KCNQ1: variants seen among roughly 807,000 people sequenced by gnomAD.
The protein encoded by KCNQ1 is potassium voltage-gated channel subfamily Q member 1, also known as potassium voltage-gated channel subfamily KQT member 1.
KCNQ1 carries 49 observed loss-of-function variants against 72.4 expected under a neutral mutation model. That is an observed-to-expected ratio of 0.68 (90% CI 0.54 to 0.86). The LOEUF (loss-of-function observed/expected upper bound fraction) is 0.86. Among genes scored for constraint, KCNQ1 ranks in the 40% least tolerant of loss-of-function variants. The pLI is 0.00. For missense variants in KCNQ1, 790 were observed against 945.1 expected (o/e 0.84, Z 2.15); for synonymous variants, 450 against 412.6 (o/e 1.09, Z -1.10).
At position 2,484,461 on chromosome 11, in the gene KCNQ1, A is replaced by G. The variant is rs1241951864; in HGVS notation, c.386+38977A>G. Among the ~76,000 whole-genome samples the G allele has an allele frequency of 1.3e-5, 2 of 152,164 alleles. No individual in the cohort carries two copies. The highest frequency in any genetic ancestry group is 4.8e-5 in the African/African-American group (2 of 41,450). On this transcript the variant is annotated intron_variant, in intron 1 of 15. Transcript: ENST00000155840. The surrounding 1 kb of genome is among the most constrained non-coding windows in gnomAD (Gnocchi z 5.2). ...ATTACAGGTGTGAGCCACTGCACCC[A>G]GCCTCATTATTTATTTTCATTGCTC...
chr11:2,706,108 T>G (rs561565616), intron 11 of KCNQ1, among the ~76,000 whole-genome samples: 25 of 152,344 alleles, frequency 1.6e-4, no homozygotes, highest in Non-Finnish European at 3.1e-4. Context: ...GGTTTTAGTA[T>G]GTGTCTACAA....
At chr11:2,825,341 C>G (rs1441207420) in intron 15 of KCNQ1, among the ~76,000 whole-genome samples, 8 of 152,214 alleles carry the variant, frequency 5.3e-5, no homozygotes, top group African/African-American at 1.9e-4. Flanking sequence ...ACCTTCCGAG[C>G]CCTCAGCCTG....
chr11:2,454,720 C>T (rs1177515904), intron 1 of KCNQ1, among the ~76,000 whole-genome samples: 2 of 152,126 alleles, frequency 1.3e-5, no homozygotes, highest in Non-Finnish European at 2.9e-5. Flanking sequence ...TAAAATTCAT[C>T]ATCCCTTCAT....
At position 2,491,380 on chromosome 11, in the gene KCNQ1, A is replaced by T. The variant is rs1846833845; in HGVS notation, c.387-36548A>T. ...AAGGAATTCAGAATTCTATCAGATAAATTTAATAAAGAGATTAAAATAAGA... is the reference window on the plus strand; with the variant it reads ...AAGGAATTCAGAATTCTATCAGATATATTTAATAAAGAGATTAAAATAAGA... On this transcript the variant is annotated intron_variant, in intron 1 of 15. Transcript: ENST00000155840. This position sits in a 1 kb window ranked among gnomAD's most constrained non-coding sequence, Gnocchi z 4.1. Among the ~76,000 whole-genome samples the T allele has an allele frequency of 6.6e-6, 1 of 152,216 alleles. No homozygotes were observed. The highest frequency in any genetic ancestry group is 6.5e-5 in the Admixed American group (1 of 15,282).
rs1393824764 is a variant in KCNQ1 at position 2,563,479 on chromosome 11, T to C, written c.478-7149T>C. On this transcript the variant is annotated intron_variant, in intron 2 of 15. Transcript: ENST00000155840. The surrounding 1 kb of genome is among the most constrained non-coding windows in gnomAD (Gnocchi z 7.4). ...AGCATGGGGTCGGCCTGCGGGGCCA[T>C]GTGTCTCCTCCTGTGTGACCTTGAG... Among the ~76,000 whole-genome samples the C allele has an allele frequency of 5.9e-5, 9 of 152,232 alleles. No individual in the cohort carries two copies.
intron 11 of KCNQ1, chr11:2,696,815 AT>A: frequency 2.5e-6 from 1 of 398,450 alleles, no homozygotes; most frequent in South Asian, 1.3e-4. Flanking sequence ...TGCTATTCTG[AT>A]TGCTGTCCTA....
chr11:2,837,143 G>A (rs926070849), intron 15 of KCNQ1, among the ~76,000 whole-genome samples: 17 of 152,176 alleles, frequency 1.1e-4, no homozygotes, highest in African/African-American at 3.9e-4. Context: ...GGAGCACCCT[G>A]GGCAGCCTCT....
In KCNQ1 at chr11:2,484,738, C is replaced by T. The variant is rs988085572; in HGVS notation, c.386+39254C>T. ...TCATCGCCACTGTGGACCTGCTGCT[C>T]TGCGCCCACTCGGCCGACGGAGCTG... On this transcript the variant is annotated intron_variant, in intron 1 of 15. Coordinates refer to ENST00000155840, the MANE Select transcript of KCNQ1 (RefSeq NM_000218.3). The surrounding 1 kb of genome is among the most constrained non-coding windows in gnomAD (Gnocchi z 5.2). Among the ~76,000 whole-genome samples the T allele has an allele frequency of 2.0e-5, 3 of 152,224 alleles. No homozygotes were observed. The highest frequency in any genetic ancestry group is 7.2e-5 in the African/African-American group (3 of 41,438).
rs1057295169 is a variant in KCNQ1, at chr11:2,660,057, T to C, written c.1394-1904T>C. On this transcript the variant is annotated intron_variant, in intron 10 of 15. Transcript: ENST00000155840. ...CTTTTAATTTTGATAAAGTCCAATTTGTTGATTCTTTTTCTCTTACGAGTT... is the reference window on the plus strand; with the variant it reads ...CTTTTAATTTTGATAAAGTCCAATTCGTTGATTCTTTTTCTCTTACGAGTT... The C allele has an allele frequency of 6.8e-5, 27 of 398,480 alleles. No individual in the cohort carries two copies. In the South Asian group the frequency reaches 1.5e-3, roughly 23 times the overall value. The allele number at this position is 398,480 out of a possible 1,614,324, so 24.7% of individuals were successfully genotyped here. A position where few individuals can be genotyped will look rare whatever the true frequency, so the allele number is the denominator to read the frequency against.
chr11:2,844,650 G>A (rs755860618), intron 15 of KCNQ1, among the ~76,000 whole-genome samples: 1 of 152,188 alleles, frequency 6.6e-6, no homozygotes, highest in Non-Finnish European at 1.5e-5. Flanking sequence ...GCTGATTCCA[G>A]CCACACCCTC....
At position 2,468,369 on chromosome 11, in the gene KCNQ1, G is replaced by GCTC. The variant is rs1846385242; in HGVS notation, c.386+22888_386+22890dup. Among the ~76,000 whole-genome samples the GCTC allele has an allele frequency of 6.6e-6, 1 of 152,150 alleles. No homozygotes were observed. Among genetic ancestry groups the GCTC allele is most frequent in the South Asian group, 2.1e-4 (1 of 4,830 alleles). The stretch of plus-strand genomic sequence containing the variant: ...GCTATATTGCCCAGTCTAGTCTCAA[G>GCTC]CTCCTGAGCTCAAGCGATCTGCCTG... On this transcript the variant is annotated intron_variant, in intron 1 of 15. Coordinates refer to ENST00000155840, the MANE Select transcript of KCNQ1 (RefSeq NM_000218.3). This position sits in a 1 kb window ranked among gnomAD's most constrained non-coding sequence, Gnocchi z 5.7.
intron 1 of KCNQ1, among the ~76,000 whole-genome samples, chr11:2,502,897 T>C (rs1049173014): frequency 2.0e-5 from 3 of 152,002 alleles, no homozygotes; most frequent in Non-Finnish European, 4.4e-5. Flanking sequence ...TACGACAAAC[T>C]CATTTTTGAC....
chr11:2,525,838 A>T (rs1242300632), intron 1 of KCNQ1, among the ~76,000 whole-genome samples: 2 of 152,198 alleles, frequency 1.3e-5, no homozygotes, highest in African/African-American at 4.8e-5. Flanking sequence ...AGGAAGTCCC[A>T]CGGGGCTGAT....
In KCNQ1 at chr11:2,679,012, CAT is replaced by C. The variant is rs1850341979; in HGVS notation, c.1514+16933_1514+16934del. The C allele has an allele frequency of 2.5e-6, 1 of 398,482 alleles. No individual in the cohort carries two copies. Among genetic ancestry groups the C allele is most frequent in the Non-Finnish European group, 4.4e-6 (1 of 226,074 alleles). The allele number at this position is 398,482 out of a possible 1,614,324, so 24.7% of individuals were successfully genotyped here. A position where few individuals can be genotyped will look rare whatever the true frequency, so the allele number is the denominator to read the frequency against. On this transcript the variant is annotated intron_variant, in intron 11 of 15. Coordinates refer to ENST00000155840, the MANE Select transcript of KCNQ1 (RefSeq NM_000218.3). This position sits in a 1 kb window ranked among gnomAD's most constrained non-coding sequence, Gnocchi z 4.8. ...ATTTTTAAAAACCCGCAATAAGAAACATAATCTAAAACTTGTAGCCCAGCCCC... is the reference window on the plus strand; with the variant it reads ...ATTTTTAAAAACCCGCAATAAGAAACAATCTAAAACTTGTAGCCCAGCCCC...
intron 1 of KCNQ1, among the ~76,000 whole-genome samples, chr11:2,496,502 T>TTTTTTTTTTTTTTTTTTTG: frequency 9.3e-6 from 1 of 107,176 alleles, no homozygotes; most frequent in Non-Finnish European, 1.9e-5. Context: ...CTGCTTTTTT[T>TTTTTTTTTTTTTTTTTTTG]TTTTTTTTTT....
At chr11:2,823,620 C>T (rs1331400017) in intron 15 of KCNQ1, among the ~76,000 whole-genome samples, 1 of 152,198 alleles carries the variant, frequency 6.6e-6, no homozygotes, top group African/African-American at 2.4e-5. Flanking sequence ...ACAGGATACT[C>T]CTGAAGAGGC....
chr11:2,774,910 C>T (rs1198234390), intron 12 of KCNQ1, among the ~76,000 whole-genome samples: 1 of 152,220 alleles, frequency 6.6e-6, no homozygotes, highest in African/African-American at 2.4e-5. Context: ...TTGCCTCCCT[C>T]TGACTTGGGC....
In KCNQ1 at chr11:2,670,432, A is replaced by G. The variant is rs573232962; in HGVS notation, c.1514+8351A>G. 16 of 397,988 alleles carry G rather than the reference A, an allele frequency of 4.0e-5. No individual in the cohort carries two copies. Among genetic ancestry groups the G allele is most frequent in the Non-Finnish European group, 6.2e-5 (14 of 225,960 alleles). The allele number at this position is 397,988 out of a possible 1,614,324, so 24.7% of individuals were successfully genotyped here. A position where few individuals can be genotyped will look rare whatever the true frequency, so the allele number is the denominator to read the frequency against. On this transcript the variant is annotated intron_variant, in intron 11 of 15. Transcript: ENST00000155840. This position sits in a 1 kb window ranked among gnomAD's most constrained non-coding sequence, Gnocchi z 4.9. ...ATTTCTTGTGTTGGGGTTAGGAGAT[A>G]CTGCTGTTGGCTGAGACACACAGCC...
chr11:2,833,497 G>T (rs1261427590), intron 15 of KCNQ1, among the ~76,000 whole-genome samples: 1 of 152,204 alleles, frequency 6.6e-6, no homozygotes, highest in Non-Finnish European at 1.5e-5. Flanking sequence ...TCAGCCCCAG[G>T]CACGTGGACC....
Sources: gnomAD v4.1 joint callset for allele counts (sites outside exome capture counted in the v4.1 genomes callset) on GRCh38, gnomAD v4.1.1 for gene constraint, Gnocchi (gnomAD v3.1) non-coding constraint, MANE v1.5 for transcripts, NCBI Gene and HGNC (gene_info 2026-07-23, HGNC 2026-07-21) for gene names.